The following ZNF407 variants were observed in gnomAD, a reference collection of about 807,000 sequenced individuals.
The protein encoded by ZNF407 is zinc finger protein 407.
A neutral mutation model predicts 131.2 loss-of-function variants in ZNF407; 17 were observed. The observed-to-expected ratio is 0.13, with a 90% CI of 0.09 to 0.19. The LOEUF is 0.19. ZNF407 is among the 10% of genes least tolerant of loss of function. ZNF407 has a pLI of 1.00. For missense variants in ZNF407, 2,681 were observed against 2,830.6 expected (o/e 0.95, Z 1.20); for synonymous variants, 1,156 against 1,062.0 (o/e 1.09, Z -1.72).
chr18:74,686,360 C>T (rs1967097034), intron 3 of ZNF407, among the ~76,000 whole-genome samples: 1 of 152,172 alleles, frequency 6.6e-6, no homozygotes, highest in South Asian at 2.1e-4. Context: ...TCATAACCCC[C>T]ATAACTCCTG....
chr18:74,896,550 C>T (rs1971456103), intron 7 of ZNF407, among the ~76,000 whole-genome samples: 1 of 152,164 alleles, frequency 6.6e-6, no homozygotes, highest in Non-Finnish European at 1.5e-5. Flanking sequence ...GGTCAGATCG[C>T]CCCTTCCTGC....
intron 5 of ZNF407, among the ~76,000 whole-genome samples, chr18:74,879,068 G>A (rs1294931319): frequency 6.6e-6 from 1 of 152,050 alleles, no homozygotes; most frequent in East Asian, 1.9e-4. Flanking sequence ...TAATAATTTT[G>A]TCTTTTTGTA....
intron 7 of ZNF407, among the ~76,000 whole-genome samples, chr18:74,916,954 A>T (rs552334794): frequency 6.6e-6 from 1 of 152,150 alleles, no homozygotes; most frequent in Non-Finnish European, 1.5e-5. Context: ...GTAAAGGCCC[A>T]TGGAGGCTGA....
At chr18:74,866,684 A>G (rs1166441857) in intron 4 of ZNF407, among the ~76,000 whole-genome samples, 1 of 150,974 alleles carries the variant, frequency 6.6e-6, no homozygotes, top group African/African-American at 2.4e-5. Flanking sequence ...GAGAAATAAT[A>G]TATATATATA....
intron 3 of ZNF407, among the ~76,000 whole-genome samples, chr18:74,759,244 C>T (rs1336539823): frequency 6.6e-6 from 1 of 152,082 alleles, no homozygotes. Flanking sequence ...GGATGACTGA[C>T]TTGACTCTGT....
intron 8 of ZNF407, among the ~76,000 whole-genome samples, chr18:74,990,341 A>G (rs766449859): frequency 2.3e-4 from 35 of 152,344 alleles, no homozygotes; most frequent in Non-Finnish European, 2.5e-4. Flanking sequence ...ACAATAGCCA[A>G]AGGAATCTAA....
In ZNF407 at chr18:74,676,681, G is replaced by A. The variant is rs568012486; in HGVS notation, c.4802+35559G>A. On this transcript the variant is annotated intron_variant, in intron 3 of 8. Coordinates refer to ENST00000299687, the MANE Select transcript of ZNF407 (RefSeq NM_017757.3). ...GATCTCCTGACCTCGTGATCTGCCC[G>A]CCTTGGCCTCCCAGAATGCTGGGAT... is the stretch of plus-strand genomic sequence containing the variant. Among the ~76,000 whole-genome samples the A allele has an allele frequency of 2.8e-4, 43 of 152,146 alleles. No homozygotes were observed. The South Asian group carries it at 4.1e-3, about 15-fold the overall frequency.
chr18:74,871,863 TTTC>T (rs930413759), intron 4 of ZNF407, among the ~76,000 whole-genome samples: 5 of 131,466 alleles, frequency 3.8e-5, no homozygotes, highest in Non-Finnish European at 8.1e-5. Flanking sequence ...GATTTCTTTC[TTTC>T]TTTTTTTTTT....
intron 4 of ZNF407, among the ~76,000 whole-genome samples, chr18:74,806,437 A>G (rs1056487191): frequency 1.3e-5 from 2 of 152,314 alleles, no homozygotes; most frequent in East Asian, 3.9e-4. Flanking sequence ...GGCGAGAGCC[A>G]GGGGTGGAGG....
intron 8 of ZNF407, among the ~76,000 whole-genome samples, chr18:74,946,064 A>G (rs1194586663): frequency 6.6e-6 from 1 of 152,184 alleles, no homozygotes; most frequent in Non-Finnish European, 1.5e-5. Flanking sequence ...CTGATGTCTC[A>G]AGGTGGTTTG....
chr18:74,921,963 C>T (rs1167765069), intron 8 of ZNF407, among the ~76,000 whole-genome samples: 1 of 152,190 alleles, frequency 6.6e-6, no homozygotes, highest in Non-Finnish European at 1.5e-5. Context: ...AGGCTCATTA[C>T]TGTTCTTTCA....
intron 4 of ZNF407, among the ~76,000 whole-genome samples, chr18:74,873,775 A>G (rs1021400642): frequency 6.6e-6 from 1 of 152,090 alleles, no homozygotes; most frequent in African/African-American, 2.4e-5. Context: ...ATTGACTTCC[A>G]TGGCATAGCT....
At chr18:74,743,916 T>G (rs1323821354) in intron 3 of ZNF407, among the ~76,000 whole-genome samples, 1 of 152,174 alleles carries the variant, frequency 6.6e-6, no homozygotes, top group Non-Finnish European at 1.5e-5. Context: ...AAAGCTTTTA[T>G]TAAATCAATT....
chr18:74,632,230 C>G lies in ZNF407; in HGVS notation c.1211C>G (p.Ala404Gly). Reference protein sequence around the residue: ...KLESTKNTLQAAHGNSVTSRP... With the variant: ...KLESTKNTLQGAHGNSVTSRP... ...GAATCTACAAAAAATACCCTTCAGGCAGCACACGGTAACAGTGTAACCTCG... is the reference window on the plus strand; with the variant it reads ...GAATCTACAAAAAATACCCTTCAGGGAGCACACGGTAACAGTGTAACCTCG... Residue 404 changes from alanine (A) to glycine (G), a missense_variant, in exon 2 of 9, where the codon GCA becomes GGA. This residue lies in a region of ZNF407 where 1,789 missense variants were observed against 1,748.7 expected (regional missense o/e 1.02). Coordinates refer to ENST00000299687, the MANE Select transcript of ZNF407 (RefSeq NM_017757.3). 1 of 1,613,932 alleles carries G rather than the reference C, an allele frequency of 6.2e-7. No individual in the cohort carries two copies. The highest frequency in any genetic ancestry group is 8.5e-7 in the Non-Finnish European group (1 of 1,179,880).
intron 1 of ZNF407, among the ~76,000 whole-genome samples, chr18:74,623,990 A>G (rs1056278481): frequency 6.6e-6 from 1 of 152,230 alleles, no homozygotes; most frequent in Admixed American, 6.5e-5. Flanking sequence ...TAACACATCC[A>G]TTATTTTAGT....
chr18:74,676,492 A>G (rs565540054), intron 3 of ZNF407, among the ~76,000 whole-genome samples: 59 of 146,652 alleles, frequency 4.0e-4, no homozygotes, highest in Middle Eastern at 7.2e-3. Context: ...GCTGGAGTGC[A>G]GTGGCGGGAT....
At chr18:74,622,428 G>C (rs1265963380) in intron 1 of ZNF407, among the ~76,000 whole-genome samples, 1 of 152,220 alleles carries the variant, frequency 6.6e-6, no homozygotes, top group Non-Finnish European at 1.5e-5. Flanking sequence ...AGCCCTGCCT[G>C]TCCGGCCTTG....
intron 1 of ZNF407, among the ~76,000 whole-genome samples, chr18:74,626,299 C>T (rs1295993847): frequency 6.6e-6 from 1 of 152,244 alleles, no homozygotes; most frequent in African/African-American, 2.4e-5. Context: ...GAAAATCAGT[C>T]AGGCAGTTTC....
intron 1 of ZNF407, among the ~76,000 whole-genome samples, chr18:74,623,981 A>G (rs1391528731): frequency 6.6e-6 from 1 of 152,170 alleles, no homozygotes. Context: ...TGGGTTTAAT[A>G]ACACATCCAT....
Sources: allele counts gnomAD v4.1 joint callset (sites outside exome capture counted in the v4.1 genomes callset), GRCh38; gene constraint gnomAD v4.1.1; regional missense constraint gnomAD v4.1.1; transcripts MANE v1.5; gene names NCBI Gene and HGNC (gene_info 2026-07-23, HGNC 2026-07-21).